Variants in CNTNAP2 observed in about 807,000 individuals in gnomAD.
The protein encoded by CNTNAP2 is contactin associated protein 2.
In CNTNAP2, 98 loss-of-function variants were observed where a neutral mutation model predicts 155.2. The ratio of observed to expected loss-of-function variants is 0.63; its 90% confidence interval spans 0.54 to 0.75. CNTNAP2 has a LOEUF of 0.75. Ranked by LOEUF, CNTNAP2 falls within the 30% of genes least tolerant of loss-of-function variation. The pLI, the probability that CNTNAP2 is intolerant of heterozygous loss-of-function variation, is 0.00. For synonymous variants in CNTNAP2, 651 were observed against 631.2 expected, an observed-to-expected ratio of 1.03 and a Z score of -0.47; for missense variants, 1,727 against 1,688.1, an observed-to-expected ratio of 1.02 and a Z score of -0.40.
At chr7:148,195,244 A>G (rs1246640937) in intron 18 of CNTNAP2, among the ~76,000 whole-genome samples, 1 of 152,226 alleles carries the variant, frequency 6.6e-6, no homozygotes, top group African/African-American at 2.4e-5. Context: ...TCTCCAGCAC[A>G]GTCTGTGCTA....
chr7:148,332,883 AG>A (rs764002429), intron 21 of CNTNAP2, among the ~76,000 whole-genome samples: 31 of 152,352 alleles, frequency 2.0e-4, no homozygotes, highest in Middle Eastern at 3.4e-3. Flanking sequence ...AAAAAGAAAC[AG>A]AGCCTAAACC....
chr7:147,464,540 C>T (rs1029803951), intron 10 of CNTNAP2, among the ~76,000 whole-genome samples: 1 of 150,386 alleles, frequency 6.6e-6, no homozygotes, highest in Non-Finnish European at 1.5e-5. Flanking sequence ...TGCTATGTGA[C>T]CTTGAGCACT....
chr7:146,246,577 G>A lies in CNTNAP2; in HGVS notation c.97+129604G>A, dbSNP rs563998303. On this transcript the variant is annotated intron_variant, in intron 1 of 23. Transcript: ENST00000361727. ...AGGGGACAGACTTACCCTCCACTGT[G>A]AGAGTTACCCGAAGCTCGGCGTCCC... Among the ~76,000 whole-genome samples the A allele has an allele frequency of 9.3e-5, 14 of 151,336 alleles. No homozygotes were observed. The East Asian group carries it at 1.2e-3, about 13-fold the overall frequency.
chr7:146,389,739 C>T (rs1264591991), intron 1 of CNTNAP2, among the ~76,000 whole-genome samples: 61 of 136,272 alleles, frequency 4.5e-4, no homozygotes, highest in African/African-American at 1.7e-3. Flanking sequence ...CTTACTCTGT[C>T]ACTCAGGCTG....
At chr7:146,229,385 A>G (rs944450226) in intron 1 of CNTNAP2, among the ~76,000 whole-genome samples, 1 of 152,202 alleles carries the variant, frequency 6.6e-6, no homozygotes, top group Non-Finnish European at 1.5e-5. Flanking sequence ...TGTGAAGGGC[A>G]GATGCTACGA....
intron 8 of CNTNAP2, among the ~76,000 whole-genome samples, chr7:147,279,826 T>A (rs1326663138): frequency 6.6e-6 from 1 of 151,874 alleles, no homozygotes; most frequent in Non-Finnish European, 1.5e-5. Context: ...TTGAGGTAAC[T>A]TCATCGATCA....
rs1491504474 is a variant in CNTNAP2 at position 146,585,751 on chromosome 7, G to GAAGAAAGAAAGAAAAAGAAAGAAA, written c.98-188520_98-188519insAAGAAAGAAAGAAAAAGAAAGAAA. 2.1e-5 allele frequency among the ~76,000 whole-genome samples: 3 copies of GAAGAAAGAAAGAAAAAGAAAGAAA among 146,006 alleles called. No homozygotes were observed. In the East Asian group the frequency reaches 5.9e-4, roughly 29 times the overall value. On this transcript the variant is annotated intron_variant, in intron 1 of 23. Transcript: ENST00000361727. ...AGAAGAAAGAAAGAAAAAGAAAGAA[G>GAAGAAAGAAAGAAAAAGAAAGAAA]GAAAGAAAGAAAGGAAAGAAAGAAA...
intron 13 of CNTNAP2, among the ~76,000 whole-genome samples, chr7:147,861,616 T>C (rs1052352272): frequency 2.1e-4 from 32 of 152,064 alleles, no homozygotes; most frequent in African/African-American, 7.0e-4. Flanking sequence ...CATTATAGAA[T>C]CATTAATGCA....
At chr7:146,918,684 T>A (rs1796441978) in intron 3 of CNTNAP2, among the ~76,000 whole-genome samples, 1 of 152,240 alleles carries the variant, frequency 6.6e-6, no homozygotes, top group Non-Finnish European at 1.5e-5. Flanking sequence ...GCAATGAATT[T>A]CGCAGGTGTT....
chr7:147,647,145 G>C (rs1027795708), intron 13 of CNTNAP2, among the ~76,000 whole-genome samples: 1 of 151,456 alleles, frequency 6.6e-6, no homozygotes, highest in Non-Finnish European at 1.5e-5. Context: ...ATGCTGCCAC[G>C]CCCAGCTAAT....
chr7:146,976,497 G>A (rs1797914257), intron 3 of CNTNAP2, among the ~76,000 whole-genome samples: 1 of 152,266 alleles, frequency 6.6e-6, no homozygotes, highest in Admixed American at 6.5e-5. Flanking sequence ...TGCTAGAGTG[G>A]CTTACAGAAC....
At chr7:146,928,241 T>G (rs950890712) in intron 3 of CNTNAP2, among the ~76,000 whole-genome samples, 2 of 152,094 alleles carry the variant, frequency 1.3e-5, no homozygotes, top group African/African-American at 4.8e-5. Flanking sequence ...TACCATAAAT[T>G]TTGCAATAAA....
chr7:147,775,364 AAT>A (rs10554154), intron 13 of CNTNAP2, among the ~76,000 whole-genome samples: 867 of 33,632 alleles, frequency 0.026, 76 homozygotes, highest in African/African-American at 0.21. Context: ...TATATTTATA[AAT>A]ATATATATAT....
intron 8 of CNTNAP2, among the ~76,000 whole-genome samples, chr7:147,147,107 G>A (rs527910809): frequency 7.9e-5 from 12 of 152,160 alleles, no homozygotes; most frequent in Non-Finnish European, 1.6e-4. Flanking sequence ...TGGCAGAAGC[G>A]AAGGGGAAGC....
chr7:146,280,804 T>C (rs1160344110), intron 1 of CNTNAP2, among the ~76,000 whole-genome samples: 1 of 152,146 alleles, frequency 6.6e-6, no homozygotes, highest in Non-Finnish European at 1.5e-5. Context: ...ACCAATAGAA[T>C]CTCATTCTCT....
intron 1 of CNTNAP2, among the ~76,000 whole-genome samples, chr7:146,257,162 T>A (rs1752033564): frequency 6.6e-6 from 1 of 152,228 alleles, no homozygotes. Context: ...CTTGTTAGAA[T>A]TATTCTGCTG....
intron 1 of CNTNAP2, among the ~76,000 whole-genome samples, chr7:146,373,309 C>G (rs923474082): frequency 6.6e-5 from 10 of 152,012 alleles, no homozygotes; most frequent in East Asian, 1.9e-4. Context: ...AAGCCAGAAA[C>G]AAGACTTCTA....
intron 1 of CNTNAP2, among the ~76,000 whole-genome samples, chr7:146,772,115 G>A (rs972614105): frequency 1.3e-5 from 2 of 152,014 alleles, no homozygotes; most frequent in African/African-American, 4.8e-5. Context: ...CTTCATTTCA[G>A]ATAGAGCTTT....
At chr7:147,158,380 A>G (rs1801964682) in intron 8 of CNTNAP2, among the ~76,000 whole-genome samples, 1 of 152,118 alleles carries the variant, frequency 6.6e-6, no homozygotes, top group Admixed American at 6.6e-5. Context: ...AGTTCAACTC[A>G]TTCCTAATAA....
Sources: allele counts gnomAD v4.1 joint callset (sites outside exome capture counted in the v4.1 genomes callset), GRCh38; gene constraint gnomAD v4.1.1; transcripts MANE v1.5; gene names NCBI Gene and HGNC (gene_info 2026-07-23, HGNC 2026-07-21).